FRMD6: variants seen among roughly 807,000 people sequenced by gnomAD.
FRMD6 encodes FERM domain containing 6.
A neutral mutation model predicts 73.2 loss-of-function variants in FRMD6; 37 were observed. The ratio of observed to expected loss-of-function variants is 0.51; its 90% CI spans 0.39 to 0.66. The LOEUF (loss-of-function observed/expected upper bound fraction) is 0.66, where lower values mean the gene tolerates loss of function less well. FRMD6 is among the 30% of genes least tolerant of loss of function. The pLI is 0.00. For missense variants in FRMD6, 714 were observed against 780.5 expected, an observed-to-expected ratio of 0.91 and a Z score of 1.02; for synonymous variants, 273 against 282.2, an observed-to-expected ratio of 0.97 and a Z score of 0.33.
intron 2 of FRMD6, among the ~76,000 whole-genome samples, chr14:51,633,621 A>AAAAAAAAAAAAAAAAAAAAAAAAAAAAAG (rs143710280): frequency 1.0e-5 from 1 of 99,368 alleles, no homozygotes; most frequent in African/African-American, 4.0e-5. Flanking sequence ...AAAAAAAAAA[A>AAAAAAAAAAAAAAAAAAAAAAAAAAAAAG]GAAATAATTA....
At chr14:51,589,814 A>C (rs1372058041) in intron 2 of FRMD6, among the ~76,000 whole-genome samples, 1 of 152,224 alleles carries the variant, frequency 6.6e-6, no homozygotes, top group African/African-American at 2.4e-5. Context: ...CACGCCTGTA[A>C]TCCCAGTGCT....
At chr14:51,613,423 G>A (rs540891058) in intron 2 of FRMD6, among the ~76,000 whole-genome samples, 14 of 152,274 alleles carry the variant, frequency 9.2e-5, no homozygotes, top group African/African-American at 3.4e-4. Context: ...GTGCTAATAT[G>A]TTCAATTTGT....
chr14:51,546,560 G>T, intron 1 of FRMD6: 1 of 128,854 alleles, frequency 7.8e-6, no homozygotes. Flanking sequence ...ACAGGGTAAA[G>T]GTAATTTGTT....
At chr14:51,420,510 ATGTTAGTACACT>A in the FRMD6 span, among the ~76,000 whole-genome samples, 2 of 152,230 alleles carry the variant, frequency 1.3e-5, no homozygotes, top group Non-Finnish European at 2.9e-5. Flanking sequence ...GAATAAAAGA[ATGTTAGTACACT>A]TGGCCCTCCA....
chr14:51,689,879 C>T lies in FRMD6; in HGVS notation c.43C>T (p.Arg15Cys), dbSNP rs753264975. ...NFHNNRVMQD[R>C]RSVCIFLPND... is the part of the protein sequence containing the mutation. ...TCATAACAACAGAGTCATGCAAGAC[C>T]GCCGCAGTGTGTGCATTTTCCTTCC... Residue 15 changes from arginine (R) to cysteine (C), a missense_variant, in exon 2 of 14, where the codon CGC becomes TGC. Physicochemically the swap from Arg to Cys is radical, Grantham distance 180. Transcript: ENST00000344768. 1.2e-5 allele frequency: 20 copies of T among 1,613,268 alleles called. No homozygotes were observed. The highest frequency in any genetic ancestry group is 2.2e-5 in the East Asian group (1 of 44,878).
chr14:51,627,377 A>T (rs553867606), intron 2 of FRMD6, among the ~76,000 whole-genome samples: 1 of 152,324 alleles, frequency 6.6e-6, no homozygotes, highest in East Asian at 1.9e-4. Context: ...ATAATGATTG[A>T]AAGATAAGGT....
chr14:51,684,690 G>A (rs1033073827), intron 1 of FRMD6, among the ~76,000 whole-genome samples: 1 of 152,114 alleles, frequency 6.6e-6, no homozygotes, highest in Non-Finnish European at 1.5e-5. Context: ...GGCCAGGGCT[G>A]CTGCTGAACA....
At chr14:51,589,867 G>A (rs139777803) in intron 2 of FRMD6, among the ~76,000 whole-genome samples, 1,601 of 152,232 alleles carry the variant, frequency 0.011, 17 homozygotes, top group Non-Finnish European at 0.017. Flanking sequence ...TCAGGAGTTC[G>A]AGACCAGCCT....
chr14:51,661,283 C>T (rs1893200722), intron 1 of FRMD6, among the ~76,000 whole-genome samples: 1 of 152,234 alleles, frequency 6.6e-6, no homozygotes, highest in South Asian at 2.1e-4. Context: ...TCAGTATTTA[C>T]AGTTTGTAGA....
chr14:51,712,519 C>G lies in FRMD6; in HGVS notation c.817C>G (p.Pro273Ala). The G allele has an allele frequency of 6.2e-7, 1 of 1,602,788 alleles. No individual in the cohort carries two copies. Among genetic ancestry groups the G allele is most frequent in the Non-Finnish European group, 8.5e-7 (1 of 1,170,530 alleles). Residue 273 changes from proline (P) to alanine (A), a missense_variant, in exon 9 of 14, where the codon CCC (proline) becomes GCC (alanine). By Grantham distance (27) the Pro-to-Ala change is conservative. Transcript: ENST00000344768. ...DEEKQLLYDF[P>A]WTNVGKLVFV... Reference sequence around the variant, plus strand: ...AGAGAAACAATTACTTTATGATTTCCCCTGGACAAATGTTGGAAAATTGGT... The same window carrying G: ...AGAGAAACAATTACTTTATGATTTCGCCTGGACAAATGTTGGAAAATTGGT...
At chr14:51,702,063 G>C (rs904036600) in intron 4 of FRMD6, among the ~76,000 whole-genome samples, 4 of 151,948 alleles carry the variant, frequency 2.6e-5, no homozygotes, top group Non-Finnish European at 5.9e-5. Context: ...TTCAAAGCCA[G>C]CTGCAAAGTA....
chr14:51,715,426 G>T lies in FRMD6; in HGVS notation c.951G>T (p.Leu317=), dbSNP rs1181371258. Residue 317 remains leucine, a synonymous_variant, in exon 10 of 14, where the codon CTG becomes CTT. Coordinates refer to ENST00000344768, the MANE Select transcript of FRMD6 (RefSeq NM_001267046.2). The stretch of plus-strand genomic sequence containing the variant: ...GCTCCAGACACCTCCTGCAACTTCT[G>T]AGCAACAGCCACCGCCTCTATATGA... ...PMRSRHLLQL[L]SNSHRLYMNL... is the part of the protein sequence containing the mutation. The T allele has an allele frequency of 6.2e-7, 1 of 1,613,784 alleles. No homozygotes were observed. The highest frequency in any genetic ancestry group is 8.5e-7 in the Non-Finnish European group (1 of 1,179,892).
intron 1 of FRMD6, among the ~76,000 whole-genome samples, chr14:51,502,703 A>G (rs1776827323): frequency 6.6e-6 from 1 of 152,068 alleles, no homozygotes; most frequent in South Asian, 2.1e-4. Context: ...GTTCCATATG[A>G]TTTTTAAATA....
chr14:51,696,765 A>AT (rs35447766), intron 2 of FRMD6, among the ~76,000 whole-genome samples: 13,536 of 150,578 alleles, frequency 0.09, 859 homozygotes, highest in Middle Eastern at 0.19. Context: ...AAAAAAAAAA[A>AT]GTCGATTGAG....
chr14:51,559,551 T>C (rs1887361726), intron 1 of FRMD6, among the ~76,000 whole-genome samples: 1 of 151,844 alleles, frequency 6.6e-6, no homozygotes, highest in Admixed American at 6.6e-5. Flanking sequence ...ATCACCAAGC[T>C]AGAATGACTC....
intron 1 of FRMD6, among the ~76,000 whole-genome samples, chr14:51,556,711 G>A (rs1476779398): frequency 1.3e-5 from 2 of 152,124 alleles, no homozygotes; most frequent in Admixed American, 6.5e-5. Flanking sequence ...GAGGATTAAT[G>A]TACATCCTAT....
rs1471013823 is a variant in FRMD6 at position 51,727,778 on chromosome 14, C to T, written c.1618C>T (p.Arg540Ter). 13 of 1,610,296 alleles carry T rather than the reference C, an allele frequency of 8.1e-6. No individual in the cohort carries two copies. The highest frequency in any genetic ancestry group is 1.1e-5 in the Non-Finnish European group (13 of 1,176,758). Residue 540 changes from arginine (R) to a stop codon, truncating the protein, a stop_gained, in exon 14 of 14, where the codon CGA becomes TGA. Coordinates refer to ENST00000344768, the MANE Select transcript of FRMD6 (RefSeq NM_001267046.2). LOFTEE classifies it high-confidence loss of function. ...ICRKPKTSTD[R>*]HSLSLDDIRL... ...TCGGAAACCAAAGACCTCCACTGAT[C>T]GACACAGCTTGAGCCTCGATGACAT...
At chr14:51,629,903 A>G (rs528062240) in intron 2 of FRMD6, among the ~76,000 whole-genome samples, 7 of 152,254 alleles carry the variant, frequency 4.6e-5, no homozygotes, top group African/African-American at 1.7e-4. Flanking sequence ...GTCAATTCTG[A>G]TTATTCTTCT....
At chr14:51,720,518 G>A (rs913334877) in intron 11 of FRMD6, 128 bp downstream of exon 11, 2 of 790,906 alleles carry the variant, frequency 2.5e-6, no homozygotes, top group Admixed American at 2.3e-5. Flanking sequence ...GTGTCTTGTT[G>A]TCTTCCCCAA....
Sources: allele counts gnomAD v4.1 joint callset (sites outside exome capture counted in the v4.1 genomes callset), GRCh38; gene constraint gnomAD v4.1.1; transcripts MANE v1.5; gene names NCBI Gene and HGNC (gene_info 2026-07-23, HGNC 2026-07-21).